STK32B: variants seen among roughly 807,000 people sequenced by gnomAD.
STK32B encodes serine/threonine kinase 32B.
In STK32B, 43 loss-of-function variants were observed where a neutral mutation model predicts 52.6. That is an observed-to-expected ratio of 0.82 (90% CI 0.64 to 1.05). The LOEUF (loss-of-function observed/expected upper bound fraction) is 1.05, where lower values mean the gene tolerates loss of function less well. Ranked by LOEUF, STK32B falls within the 50% of genes least tolerant of loss-of-function variation. The pLI is 0.00. For missense variants in STK32B, 621 were observed against 534.6 expected, an observed-to-expected ratio of 1.16 and a Z score of -1.59; for synonymous variants, 238 against 204.3, an observed-to-expected ratio of 1.17 and a Z score of -1.41.
At chr4:5,072,520 C>T (rs1220510313) in intron 1 of STK32B, among the ~76,000 whole-genome samples, 1 of 152,140 alleles carries the variant, frequency 6.6e-6, no homozygotes, top group Non-Finnish European at 1.5e-5. Flanking sequence ...TCAACCTCAT[C>T]ATTTCAACAC....
intron 3 of STK32B, among the ~76,000 whole-genome samples, chr4:5,262,655 C>CCTG (rs10684155): frequency 0.19 from 28,038 of 150,534 alleles, 5,312 homozygotes; most frequent in African/African-American, 0.48. Context: ...AGTGTGGACT[C>CCTG]ATATGAAGAG....
At chr4:5,105,788 C>T (rs976437841) in intron 1 of STK32B, among the ~76,000 whole-genome samples, 2 of 151,896 alleles carry the variant, frequency 1.3e-5, no homozygotes, top group Admixed American at 6.5e-5. Context: ...TGGTCTCGAT[C>T]TCCTGACCTA....
At chr4:5,237,418 C>T (rs1472062445) in intron 3 of STK32B, among the ~76,000 whole-genome samples, 1 of 152,148 alleles carries the variant, frequency 6.6e-6, no homozygotes, top group East Asian at 1.9e-4. Flanking sequence ...GCTTCCATCT[C>T]ATTTATTGTT....
At chr4:5,268,540 TGTGTG>T (rs1052680088) in intron 3 of STK32B, among the ~76,000 whole-genome samples, 12 of 7,256 alleles carry the variant, frequency 1.7e-3, no homozygotes, top group African/African-American at 8.9e-3. Context: ...CTTGGTGTGG[TGTGTG>T]TGTGTGTGTG....
At chr4:5,495,878 C>T (rs2108734006) in intron 11 of STK32B, among the ~76,000 whole-genome samples, 1 of 152,314 alleles carries the variant, frequency 6.6e-6, no homozygotes, top group South Asian at 2.1e-4. Flanking sequence ...GCAGTGGTGG[C>T]TGCAGAACAG....
intron 1 of STK32B, among the ~76,000 whole-genome samples, chr4:5,116,154 A>G (rs1208627782): frequency 6.6e-6 from 1 of 151,782 alleles, no homozygotes; most frequent in Non-Finnish European, 1.5e-5. Context: ...GCTGCTCTAT[A>G]TGCTCACTCA....
At chr4:5,171,422 A>G (rs1044738630) in intron 3 of STK32B, among the ~76,000 whole-genome samples, 15 of 152,008 alleles carry the variant, frequency 9.9e-5, no homozygotes, top group African/African-American at 3.6e-4. Context: ...GTTTTCTTCT[A>G]GGGTTTTTAT....
chr4:5,066,158 T>A (rs1742416506), intron 1 of STK32B, among the ~76,000 whole-genome samples: 1 of 152,222 alleles, frequency 6.6e-6, no homozygotes, highest in African/African-American at 2.4e-5. Flanking sequence ...CAAACTAATT[T>A]TCTTCCAGAA....
intron 2 of STK32B, among the ~76,000 whole-genome samples, chr4:5,149,922 T>A (rs1440644373): frequency 1.3e-5 from 2 of 151,970 alleles, no homozygotes; most frequent in Non-Finnish European, 2.9e-5. Flanking sequence ...CTTAATTTAT[T>A]CTCTTTATTT....
chr4:5,455,654 G>A (rs543954016), intron 7 of STK32B, among the ~76,000 whole-genome samples: 55 of 152,216 alleles, frequency 3.6e-4, no homozygotes, highest in South Asian at 1.5e-3. Flanking sequence ...CCAGTATGGC[G>A]TCTGACTCAG....
At chr4:5,064,876 T>C (rs1345158649) in intron 1 of STK32B, among the ~76,000 whole-genome samples, 1 of 145,868 alleles carries the variant, frequency 6.9e-6, no homozygotes, top group African/African-American at 2.5e-5. Flanking sequence ...TATAAAAATA[T>C]ATTTCTCCAT....
In STK32B at chr4:5,394,378, C is replaced by G. The variant is rs188650548; in HGVS notation, c.435-3829C>G. 6.6e-6 allele frequency among the ~76,000 whole-genome samples: 1 copy of G among 152,142 alleles called. No individual in the cohort carries two copies. Among genetic ancestry groups the G allele is most frequent in the Non-Finnish European group, 1.5e-5 (1 of 68,034 alleles). ...TTCAAACCCGTTTTCAACAGGATGACGCGCTGGAGCTGAGATACGATCAAT... is the reference window on the plus strand; with the variant it reads ...TTCAAACCCGTTTTCAACAGGATGAGGCGCTGGAGCTGAGATACGATCAAT... On this transcript the variant is annotated intron_variant, in intron 4 of 11. Transcript: ENST00000282908. This position sits in a 1 kb window ranked among gnomAD's most constrained non-coding sequence, Gnocchi z 4.2.
In STK32B at chr4:5,168,422, C is replaced by A. The variant is rs757057483; in HGVS notation, c.232C>A (p.Leu78Met). The change falls in exon 3 of 12, where the codon CTG becomes ATG. Residue 78 changes from leucine to methionine, a missense_variant. Transcript: ENST00000282908. ...CCGGGAGCTGCAGATCATGCAAGGG[C>A]TGGAGCACCCCTTCCTGGTCAATCT... is the stretch of plus-strand genomic sequence containing the variant. ...VFRELQIMQG[L>M]EHPFLVNLWY... 1.6e-4 allele frequency: 263 copies of A among 1,613,568 alleles called. No individual in the cohort carries two copies. Among genetic ancestry groups the A allele is most frequent in the Non-Finnish European group, 2.2e-4 (255 of 1,179,886 alleles).
At chr4:5,043,715 CA>C in the STK32B span, among the ~76,000 whole-genome samples, 1 of 152,236 alleles carries the variant, frequency 6.6e-6, no homozygotes, top group Non-Finnish European at 1.5e-5. Context: ...TCACAGCCTA[CA>C]GGGGCGGAAG....
At chr4:5,205,701 C>CGTGTGT (rs1440637340) in intron 3 of STK32B, among the ~76,000 whole-genome samples, 2 of 74,360 alleles carry the variant, frequency 2.7e-5, no homozygotes, top group African/African-American at 6.2e-5. Flanking sequence ...CAGGCGCGCG[C>CGTGTGT]GCGTGTGTGT....
Position 5,394,229 on chromosome 4 carries a change from G to A in STK32B, c.435-3978G>A, listed in dbSNP as rs1736744119. On this transcript the variant is annotated intron_variant, in intron 4 of 11. Coordinates refer to ENST00000282908, the MANE Select transcript of STK32B (RefSeq NM_018401.3). This position sits in a 1 kb window ranked among gnomAD's most constrained non-coding sequence, Gnocchi z 4.2. Reference sequence around the variant, plus strand: ...TTCAAGAGCAGCACCGGGTTTTATAGCCCTGCATGCGTACTTTCCATCAAA... The same window carrying A: ...TTCAAGAGCAGCACCGGGTTTTATAACCCTGCATGCGTACTTTCCATCAAA... 6.6e-6 allele frequency among the ~76,000 whole-genome samples: 1 copy of A among 152,090 alleles called. No individual in the cohort carries two copies. The highest frequency in any genetic ancestry group is 6.5e-5 in the Admixed American group (1 of 15,272).
At chr4:5,367,818 A>G (rs1734973501) in intron 4 of STK32B, among the ~76,000 whole-genome samples, 1 of 152,148 alleles carries the variant, frequency 6.6e-6, no homozygotes, top group East Asian at 1.9e-4. Flanking sequence ...ATTCCATTAT[A>G]TTCCAGAAAA....
chr4:5,372,986 G>A (rs1577409696), intron 4 of STK32B, among the ~76,000 whole-genome samples: 2 of 152,088 alleles, frequency 1.3e-5, no homozygotes, highest in East Asian at 3.9e-4. Flanking sequence ...TTGAATATAT[G>A]TCAAGTATTT....
intron 1 of STK32B, among the ~76,000 whole-genome samples, chr4:5,099,454 G>GCGTGCGCGCGCA (rs1553823531): frequency 0.037 from 4,867 of 129,840 alleles, 264 homozygotes; most frequent in African/African-American, 0.12. Flanking sequence ...GTGTGTGCGC[G>GCGTGCGCGCGCA]CGCGCGTATG....
Sources: allele counts gnomAD v4.1 joint callset (sites outside exome capture counted in the v4.1 genomes callset), GRCh38; gene constraint gnomAD v4.1.1; non-coding constraint Gnocchi (gnomAD v3.1); transcripts MANE v1.5; gene names NCBI Gene and HGNC (gene_info 2026-07-23, HGNC 2026-07-21).